SORCS1: variants seen among roughly 807,000 people sequenced by gnomAD.
SORCS1 encodes sortilin related VPS10 domain containing receptor 1.
SORCS1 carries 60 observed loss-of-function variants against 146.1 expected under a neutral mutation model. The ratio of observed to expected loss-of-function variants is 0.41; its 90% CI spans 0.33 to 0.51. SORCS1 has a LOEUF of 0.51. SORCS1 is among the 20% of genes least tolerant of loss of function. SORCS1 has a pLI of 0.21. For missense variants in SORCS1, 1,352 were observed against 1,487.6 expected (o/e 0.91, Z 1.50); for synonymous variants, 637 against 584.0 (o/e 1.09, Z -1.31).
At chr10:106,921,802 A>T (rs942231859) in intron 2 of SORCS1, among the ~76,000 whole-genome samples, 3 of 152,194 alleles carry the variant, frequency 2.0e-5, no homozygotes, top group Non-Finnish European at 4.4e-5. Context: ...GCAAGCTGAC[A>T]CCTATCCTCC....
At chr10:106,622,942 C>T (rs1035781414) in intron 19 of SORCS1, among the ~76,000 whole-genome samples, 1 of 152,210 alleles carries the variant, frequency 6.6e-6, no homozygotes, top group African/African-American at 2.4e-5. Flanking sequence ...ATGTCCCAGG[C>T]ATTGGAAAAT....
At chr10:106,851,435 T>C (rs897046590) in intron 2 of SORCS1, among the ~76,000 whole-genome samples, 9 of 152,254 alleles carry the variant, frequency 5.9e-5, no homozygotes, top group African/African-American at 2.2e-4. Flanking sequence ...GGGTGTCCAG[T>C]TGTTTCAGCA....
chr10:107,012,929 T>C (rs12266445), intron 1 of SORCS1, among the ~76,000 whole-genome samples: 11,258 of 152,260 alleles, frequency 0.074, 1,356 homozygotes, highest in African/African-American at 0.25. Flanking sequence ...TGTCTGCACC[T>C]GTCTCTTCCA....
At chr10:107,045,046 G>A (rs530025900) in intron 1 of SORCS1, among the ~76,000 whole-genome samples, 26 of 152,216 alleles carry the variant, frequency 1.7e-4, no homozygotes, top group African/African-American at 5.3e-4. Context: ...AGTAACTTCA[G>A]ATCCTTCAGT....
intron 9 of SORCS1, among the ~76,000 whole-genome samples, chr10:106,695,133 A>T (rs1421785462): frequency 1.3e-5 from 2 of 152,106 alleles, no homozygotes; most frequent in Non-Finnish European, 2.9e-5. Flanking sequence ...GGTGTGATGG[A>T]GTTTTAGGAC....
At chr10:106,692,995 T>C (rs890908075) in intron 9 of SORCS1, among the ~76,000 whole-genome samples, 4 of 152,070 alleles carry the variant, frequency 2.6e-5, no homozygotes, top group Admixed American at 6.6e-5. Context: ...AAAAAAACTG[T>C]TTAATGCACA....
intron 1 of SORCS1, among the ~76,000 whole-genome samples, chr10:107,120,200 A>G (rs1483566654): frequency 1.3e-5 from 2 of 152,206 alleles, no homozygotes; most frequent in East Asian, 3.8e-4. Context: ...TTTTGAGGGT[A>G]AGTATTGAAT....
In SORCS1 at chr10:106,703,266, G is replaced by C. The variant is rs190882480; in HGVS notation, c.1233+3279C>G. 9.2e-5 allele frequency among the ~76,000 whole-genome samples: 14 copies of C among 151,738 alleles called. No individual in the cohort carries two copies. The East Asian group carries it at 2.5e-3, about 27-fold the overall frequency. Reference sequence around the variant, plus strand: ...GTGACAGATCTGGGTCCCTAATCCAGGTCTCCTGCTGCAAATCAAGCAGCC... The same window carrying C: ...GTGACAGATCTGGGTCCCTAATCCACGTCTCCTGCTGCAAATCAAGCAGCC... On this transcript the variant is annotated intron_variant, in intron 8 of 25. Coordinates refer to ENST00000263054, the MANE Select transcript of SORCS1 (RefSeq NM_052918.5).
intron 2 of SORCS1, among the ~76,000 whole-genome samples, chr10:106,835,493 G>C (rs1948740650): frequency 6.6e-6 from 1 of 152,122 alleles, no homozygotes; most frequent in Non-Finnish European, 1.5e-5. Context: ...GAGTTAGGTT[G>C]CTTAGAAGAA....
intron 3 of SORCS1, among the ~76,000 whole-genome samples, chr10:106,780,155 AGAT>A (rs1404579711): frequency 6.6e-6 from 1 of 152,240 alleles, no homozygotes; most frequent in East Asian, 1.9e-4. Flanking sequence ...CTTTAGACAT[AGAT>A]GATATTGTTC....
intron 3 of SORCS1, among the ~76,000 whole-genome samples, chr10:106,825,127 T>C (rs1948236433): frequency 6.6e-6 from 1 of 152,090 alleles, no homozygotes; most frequent in Non-Finnish European, 1.5e-5. Flanking sequence ...TACACGATCC[T>C]TGTGAAGGGA....
At chr10:107,035,896 T>C (rs1023049980) in intron 1 of SORCS1, among the ~76,000 whole-genome samples, 1 of 149,602 alleles carries the variant, frequency 6.7e-6, no homozygotes, top group African/African-American at 2.4e-5. Context: ...ATATTATATA[T>C]TACAAACAAT....
chr10:106,607,337 G>T, intron 22 of SORCS1, 40 bp from the exon 23 acceptor site: 1 of 1,609,900 alleles, frequency 6.2e-7, no homozygotes, highest in Non-Finnish European at 8.5e-7. Context: ...GTGCTGCAGA[G>T]AAGAAAGCTG....
intron 4 of SORCS1, among the ~76,000 whole-genome samples, chr10:106,762,903 G>A (rs1859246782): frequency 6.6e-6 from 1 of 151,994 alleles, no homozygotes; most frequent in African/African-American, 2.4e-5. Flanking sequence ...AGCATGTCCT[G>A]AACACCTGGT....
chr10:107,125,821 T>C (rs756107622), intron 1 of SORCS1, among the ~76,000 whole-genome samples: 4 of 152,206 alleles, frequency 2.6e-5, no homozygotes, highest in Non-Finnish European at 5.9e-5. Flanking sequence ...TCCAGCAAAG[T>C]GGCACATATC....
chr10:106,779,229 TC>T (rs1485293018), intron 3 of SORCS1, among the ~76,000 whole-genome samples: 1 of 152,186 alleles, frequency 6.6e-6, no homozygotes, highest in Non-Finnish European at 1.5e-5. Context: ...AATAGAAATT[TC>T]CCGGTGAGCT....
At chr10:106,929,599 A>G (rs1953282204) in intron 2 of SORCS1, among the ~76,000 whole-genome samples, 1 of 152,190 alleles carries the variant, frequency 6.6e-6, no homozygotes, top group South Asian at 2.1e-4. Flanking sequence ...AAACGCCTAC[A>G]TTGCAGGCTT....
intron 1 of SORCS1, among the ~76,000 whole-genome samples, chr10:107,047,083 G>T (rs1049734567): frequency 5.9e-5 from 9 of 152,084 alleles, no homozygotes; most frequent in African/African-American, 2.2e-4. Context: ...CTGCCTCCCG[G>T]GTTCAAGCCA....
chr10:107,111,144 G>A (rs1590163033), intron 1 of SORCS1, among the ~76,000 whole-genome samples: 1 of 152,148 alleles, frequency 6.6e-6, no homozygotes, highest in South Asian at 2.1e-4. Flanking sequence ...AGCCATCAAT[G>A]CAAGGCTACA....
Sources: gnomAD v4.1 joint callset for allele counts (sites outside exome capture counted in the v4.1 genomes callset) on GRCh38, gnomAD v4.1.1 for gene constraint, MANE v1.5 for transcripts, NCBI Gene and HGNC (gene_info 2026-07-23, HGNC 2026-07-21) for gene names.